Variants in NALF1 observed in about 807,000 individuals in gnomAD.
NALF1 encodes the protein NALCN channel auxiliary factor 1, also known as family with sequence similarity 155 member A.
NALF1 carries 3 observed loss-of-function variants against 48.4 expected under a neutral mutation model. The observed-to-expected ratio is 0.06, with a 90% CI of 0.03 to 0.16. NALF1 has a LOEUF of 0.16. Among genes scored for constraint, NALF1 ranks in the 10% least tolerant of loss-of-function variants. NALF1 has a pLI of 1.00. For missense variants in NALF1, 526 were observed against 571.5 expected (o/e 0.92, Z 0.81); for synonymous variants, 262 against 245.7 (o/e 1.07, Z -0.62).
In NALF1 at chr13:107,631,872, G is replaced by A. The variant is rs9587412; in HGVS notation, c.915+233810C>T. Among the ~76,000 whole-genome samples, 510 of 152,110 alleles carry A rather than the reference G, an allele frequency of 3.4e-3. 2 individuals carry two copies. Among genetic ancestry groups the A allele is most frequent in the African/African-American group, 0.012 (479 of 41,500 alleles). ...AGCCAACCAGAAAAACATCAGTTAA[G>A]CCACATAATTCTCTCTCGTGCCACA... On this transcript the variant is annotated intron_variant, in intron 1 of 2. Transcript: ENST00000375915.
At chr13:107,818,776 G>C (rs1480493259) in intron 1 of NALF1, among the ~76,000 whole-genome samples, 1 of 141,400 alleles carries the variant, frequency 7.1e-6, no homozygotes, top group East Asian at 2.2e-4. Flanking sequence ...GGAGGCTGAG[G>C]CAGGAGAATG....
intron 1 of NALF1, among the ~76,000 whole-genome samples, chr13:107,274,061 T>C: frequency 6.6e-6 from 1 of 152,058 alleles, no homozygotes; most frequent in Non-Finnish European, 1.5e-5. Flanking sequence ...ATTTTAATAG[T>C]CAATAATTCA....
chr13:107,177,575 C>A (rs1351626148), intron 2 of NALF1, among the ~76,000 whole-genome samples: 1 of 151,950 alleles, frequency 6.6e-6, no homozygotes, highest in Non-Finnish European at 1.5e-5. Flanking sequence ...AATAGAGAAC[C>A]CAAAAACAAA....
At chr13:107,834,512 C>G (rs2138629975) in intron 1 of NALF1, among the ~76,000 whole-genome samples, 1 of 152,260 alleles carries the variant, frequency 6.6e-6, no homozygotes, top group Admixed American at 6.5e-5. Context: ...ACTGGTCCAA[C>G]AAGGTTGGCA....
chr13:107,182,436 G>A (rs963852919), intron 2 of NALF1, among the ~76,000 whole-genome samples: 6 of 151,942 alleles, frequency 3.9e-5, no homozygotes, highest in Non-Finnish European at 8.8e-5. Context: ...CACCACGCCT[G>A]GCTAATTTTG....
chr13:107,194,851 GAACTC>G, intron 2 of NALF1, among the ~76,000 whole-genome samples: 1 of 152,150 alleles, frequency 6.6e-6, no homozygotes, highest in East Asian at 1.9e-4. Flanking sequence ...AATCTACAAA[GAACTC>G]AAATACATCA....
At chr13:107,566,730 A>T (rs1266164764) in intron 1 of NALF1, among the ~76,000 whole-genome samples, 2 of 152,102 alleles carry the variant, frequency 1.3e-5, no homozygotes, top group Non-Finnish European at 2.9e-5. Flanking sequence ...ATTTTGTCAT[A>T]TTTTTTTCCG....
At chr13:107,830,296 A>G (rs964732845) in intron 1 of NALF1, among the ~76,000 whole-genome samples, 2 of 152,202 alleles carry the variant, frequency 1.3e-5, no homozygotes, top group Admixed American at 1.3e-4. Context: ...ATTTGAATAT[A>G]TTAAGAATAA....
intron 1 of NALF1, among the ~76,000 whole-genome samples, chr13:107,290,713 T>G (rs1368968642): frequency 6.6e-6 from 1 of 152,210 alleles, no homozygotes; most frequent in Non-Finnish European, 1.5e-5. Flanking sequence ...CTAATACAGA[T>G]GTATTTCTTG....
intron 1 of NALF1, among the ~76,000 whole-genome samples, chr13:107,316,107 C>G (rs1882144500): frequency 2.0e-5 from 3 of 151,922 alleles, no homozygotes; most frequent in Non-Finnish European, 4.4e-5. Flanking sequence ...TCCATGTGTT[C>G]TCATTGTTCA....
At chr13:107,303,834 A>AGATATTC (rs1438036453) in intron 1 of NALF1, among the ~76,000 whole-genome samples, 1 of 152,138 alleles carries the variant, frequency 6.6e-6, no homozygotes, top group African/African-American at 2.4e-5. Flanking sequence ...TTTTTCTAGG[A>AGATATTC]GATATTCAAC....
At chr13:107,370,422 A>AAAACTTAC (rs1197971133) in intron 1 of NALF1, among the ~76,000 whole-genome samples, 19 of 152,326 alleles carry the variant, frequency 1.2e-4, no homozygotes, top group African/African-American at 4.1e-4. Flanking sequence ...GAGGAATCTC[A>AAAACTTAC]AAACTTACAA....
intron 1 of NALF1, among the ~76,000 whole-genome samples, chr13:107,666,121 TGAA>T (rs1161455672): frequency 6.6e-6 from 1 of 152,152 alleles, no homozygotes; most frequent in African/African-American, 2.4e-5. Context: ...ATTGTCATAG[TGAA>T]GAAGGACTCT....
intron 1 of NALF1, among the ~76,000 whole-genome samples, chr13:107,411,233 A>C (rs1883983814): frequency 6.6e-6 from 1 of 151,874 alleles, no homozygotes; most frequent in Non-Finnish European, 1.5e-5. Flanking sequence ...TGCTCAGAAT[A>C]CATTTCTTCT....
chr13:107,350,934 AT>A (rs1882861827), intron 1 of NALF1, among the ~76,000 whole-genome samples: 1 of 152,200 alleles, frequency 6.6e-6, no homozygotes, highest in African/African-American at 2.4e-5. Flanking sequence ...CCACTGGGGT[AT>A]GACAACTACC....
chr13:107,476,888 G>C (rs1268111535), intron 1 of NALF1, among the ~76,000 whole-genome samples: 2 of 151,994 alleles, frequency 1.3e-5, no homozygotes, highest in Non-Finnish European at 2.9e-5. Context: ...TAATTTGTAA[G>C]TCAATAAACA....
chr13:107,680,948 A>AGTGTGTGT lies in NALF1; in HGVS notation c.915+184726_915+184733dup, dbSNP rs140128926. On this transcript the variant is annotated intron_variant, in intron 1 of 2. Transcript: ENST00000375915. ...GAGTATGAGTATGCATGAGTGTAAC[A>AGTGTGTGT]GTGTGTGTGTGTGTGTGTGTGTACA... 4.9e-4 allele frequency among the ~76,000 whole-genome samples: 64 copies of AGTGTGTGT among 129,968 alleles called. No homozygotes were observed. The East Asian group carries it at 9.2e-3, about 19-fold the overall frequency. The allele number at this position is 129,968 out of a possible 152,430, so 85.3% of individuals were successfully genotyped here.
chr13:107,714,011 G>A lies in NALF1; in HGVS notation c.915+151671C>T, dbSNP rs575052139. On this transcript the variant is annotated intron_variant, in intron 1 of 2. Transcript: ENST00000375915. ...AAGAAAGGGGCTCATGAGAAGCCTC[G>A]GATGTGAGTCCTGCTTTTAGCTTTC... is the stretch of plus-strand genomic sequence containing the variant. Among the ~76,000 whole-genome samples, 219 of 152,262 alleles carry A rather than the reference G, an allele frequency of 1.4e-3. 1 individual carries two copies. Among genetic ancestry groups the A allele is most frequent in the African/African-American group, 3.3e-3 (139 of 41,552 alleles).
intron 1 of NALF1, among the ~76,000 whole-genome samples, chr13:107,675,721 A>G (rs753447322): frequency 1.3e-5 from 2 of 152,152 alleles, no homozygotes; most frequent in Non-Finnish European, 1.5e-5. Flanking sequence ...AACGTTTTAA[A>G]TACTGGTATT....
Sources: gnomAD v4.1 joint callset for allele counts (sites outside exome capture counted in the v4.1 genomes callset) on GRCh38, gnomAD v4.1.1 for gene constraint, MANE v1.5 for transcripts, NCBI Gene and HGNC (gene_info 2026-07-23, HGNC 2026-07-21) for gene names.